TBC1D32: variants seen among roughly 807,000 people sequenced by gnomAD.
TBC1D32 encodes TBC1 domain family member 32.
Under a neutral mutation model 170.3 loss-of-function variants are expected in TBC1D32, and 151 were observed. The ratio of observed to expected loss-of-function variants is 0.89; its 90% CI spans 0.78 to 1.01. The LOEUF is 1.01. TBC1D32 is among the 50% of genes least tolerant of loss of function. The pLI is 0.00. For synonymous variants in TBC1D32, 498 were observed against 488.0 expected (o/e 1.02, Z -0.27); for missense variants, 1,464 against 1,457.1 (o/e 1.00, Z -0.08).
intron 30 of TBC1D32, among the ~76,000 whole-genome samples, chr6:121,095,575 T>A (rs760055305): frequency 4.6e-5 from 7 of 152,288 alleles, no homozygotes; most frequent in South Asian, 2.1e-4. Context: ...GAGTTTGTCA[T>A]AAATAGCTCT....
chr6:121,209,673 G>T (rs1440680313), intron 21 of TBC1D32, among the ~76,000 whole-genome samples: 1 of 152,218 alleles, frequency 6.6e-6, no homozygotes, highest in Non-Finnish European at 1.5e-5. Flanking sequence ...CACACAACTA[G>T]TAAGAGGCAG....
intron 30 of TBC1D32, among the ~76,000 whole-genome samples, chr6:121,101,765 G>A (rs1397599397): frequency 6.6e-6 from 1 of 152,066 alleles, no homozygotes; most frequent in South Asian, 2.1e-4. Context: ...AAGAAATAAA[G>A]GGTATTCAAT....
rs140954897 is a variant in TBC1D32, at chr6:121,102,306, G to T, written c.3465+3717C>A. Among the ~76,000 whole-genome samples the T allele has an allele frequency of 1.1e-3, 171 of 152,170 alleles. 10 individuals carry two copies. The East Asian group carries it at 0.023, about 21-fold the overall frequency. ...GACAATCCTAAGCCAAAAGAACAAAGCTGGAGGCATCATGCTACCTGACTT... is the reference window on the plus strand; with the variant it reads ...GACAATCCTAAGCCAAAAGAACAAATCTGGAGGCATCATGCTACCTGACTT... On this transcript the variant is annotated intron_variant, in intron 30 of 31. Coordinates refer to ENST00000398212, the MANE Select transcript of TBC1D32 (RefSeq NM_152730.6).
intron 24 of TBC1D32, among the ~76,000 whole-genome samples, chr6:121,150,726 T>C (rs777707530): frequency 1.3e-4 from 20 of 152,210 alleles, no homozygotes; most frequent in Non-Finnish European, 2.6e-4. Flanking sequence ...CCTGGTTTAG[T>C]CTTGGGAGGG....
At chr6:121,313,449 G>T (rs1808527820) in intron 3 of TBC1D32, among the ~76,000 whole-genome samples, 1 of 151,652 alleles carries the variant, frequency 6.6e-6, no homozygotes, top group African/African-American at 2.4e-5. Context: ...ATACCTGGCT[G>T]ATTTTTGTAC....
In TBC1D32 at chr6:121,304,517, G is replaced by A. The variant is rs1166399390; in HGVS notation, c.873+5C>T. On this transcript the variant is annotated splice_donor_5th_base_variant and intron_variant, in intron 7 of 31. Coordinates refer to ENST00000398212, the MANE Select transcript of TBC1D32 (RefSeq NM_152730.6). ...AAATGAAAGCATATTGTAGTAAATG[G>A]ATACCTTTTTAAGTAAGCGAGTCAT... The A allele has an allele frequency of 1.2e-6, 2 of 1,604,290 alleles. No homozygotes were observed. The highest frequency in any genetic ancestry group is 8.5e-7 in the Non-Finnish European group (1 of 1,174,028).
At position 121,126,468 on chromosome 6, in the gene TBC1D32, TAAAC is replaced by T; in HGVS notation, c.2900-11_2900-8del. On this transcript the variant is annotated splice_polypyrimidine_tract_variant and splice_region_variant and intron_variant, in intron 25 of 31. Coordinates refer to ENST00000398212, the MANE Select transcript of TBC1D32 (RefSeq NM_152730.6). Reference sequence around the variant, plus strand: ...TCAAGTAATTCTATTAAGGCTGTAATAAACAAAGGAATAATTAGGATATTAAAGG... The same window carrying T: ...TCAAGTAATTCTATTAAGGCTGTAATAAAGGAATAATTAGGATATTAAAGG... The T allele has an allele frequency of 1.3e-6, 2 of 1,594,970 alleles. No homozygotes were observed. Among genetic ancestry groups the T allele is most frequent in the Non-Finnish European group, 1.7e-6 (2 of 1,165,546 alleles).
At chr6:121,102,221 A>T (rs753522937) in intron 30 of TBC1D32, among the ~76,000 whole-genome samples, 6 of 152,216 alleles carry the variant, frequency 3.9e-5, no homozygotes, top group Non-Finnish European at 8.8e-5. Flanking sequence ...CTTTCTTCAC[A>T]GAATTGGATA....
intron 17 of TBC1D32, among the ~76,000 whole-genome samples, chr6:121,247,674 C>G (rs1178833735): frequency 1.1e-4 from 4 of 36,368 alleles, no homozygotes; most frequent in Admixed American, 3.7e-4. Flanking sequence ...ATTCTTATAT[C>G]AGATAAAACA....
At chr6:121,215,177 T>C (rs995607306) in intron 21 of TBC1D32, among the ~76,000 whole-genome samples, 3 of 152,200 alleles carry the variant, frequency 2.0e-5, no homozygotes, top group Admixed American at 6.5e-5. Context: ...GATTGGTCCA[T>C]GGGCAACCAC....
At chr6:121,286,912 A>G (rs1803944344) in intron 12 of TBC1D32, among the ~76,000 whole-genome samples, 1 of 152,216 alleles carries the variant, frequency 6.6e-6, no homozygotes, top group South Asian at 2.1e-4. Context: ...AAGCTTCAAA[A>G]GTGAAGGAGA....
intron 15 of TBC1D32, among the ~76,000 whole-genome samples, chr6:121,271,005 A>G (rs1801330523): frequency 6.6e-6 from 1 of 152,212 alleles, no homozygotes; most frequent in Non-Finnish European, 1.5e-5. Flanking sequence ...AACCAAAGAC[A>G]AAAACCACAT....
At position 121,154,057 on chromosome 6, in the gene TBC1D32, C is replaced by T. The variant is rs532957367; in HGVS notation, c.2773+5953G>A. Among the ~76,000 whole-genome samples, 116 of 136,230 alleles carry T rather than the reference C, an allele frequency of 8.5e-4. 2 individuals are homozygous for T. The highest frequency in any genetic ancestry group is 3.4e-3 in the African/African-American group (110 of 32,360). The allele number at this position is 136,230 out of a possible 152,430, so 89.4% of individuals were successfully genotyped here. On this transcript the variant is annotated intron_variant, in intron 24 of 31. Transcript: ENST00000398212. ...TAGGGTACAAAAAAAAAAAAAAAAC[C>T]TCCTGCACCTAGCTTGGTGTCTGTC...
intron 10 of TBC1D32, among the ~76,000 whole-genome samples, chr6:121,297,162 C>T (rs1805776746): frequency 1.3e-5 from 2 of 151,986 alleles, no homozygotes; most frequent in Admixed American, 1.3e-4. Context: ...ACCACAGTAG[C>T]AGAAAGCAGA....
intron 1 of TBC1D32, among the ~76,000 whole-genome samples, chr6:121,329,882 G>A (rs1254655714): frequency 6.6e-6 from 1 of 151,874 alleles, no homozygotes; most frequent in Non-Finnish European, 1.5e-5. Flanking sequence ...ATAATAGAAA[G>A]AACAAGTATT....
chr6:121,141,213 G>T (rs889720602), intron 24 of TBC1D32, among the ~76,000 whole-genome samples: 2 of 152,060 alleles, frequency 1.3e-5, no homozygotes, highest in Admixed American at 1.3e-4. Flanking sequence ...AGGAAGAGAA[G>T]AAATATATTT....
chr6:121,237,319 T>A (rs1353362541), intron 20 of TBC1D32, among the ~76,000 whole-genome samples: 1 of 151,992 alleles, frequency 6.6e-6, no homozygotes. Flanking sequence ...ATTTTCTCTT[T>A]ATCTTTGGTT....
intron 30 of TBC1D32, 34 bp downstream of exon 30, chr6:121,105,989 G>T: frequency 1.3e-6 from 2 of 1,547,452 alleles, no homozygotes; most frequent in East Asian, 2.3e-5. Context: ...CTGAGATAAA[G>T]GAGTTGGAGA....
chr6:121,311,949 C>T (rs1027930348), intron 3 of TBC1D32, among the ~76,000 whole-genome samples: 8 of 152,146 alleles, frequency 5.3e-5, no homozygotes, highest in African/African-American at 1.9e-4. Flanking sequence ...GACTTGGAAC[C>T]AAACCAAATG....
Sources: allele counts gnomAD v4.1 joint callset (sites outside exome capture counted in the v4.1 genomes callset), GRCh38; gene constraint gnomAD v4.1.1; transcripts MANE v1.5; gene names NCBI Gene and HGNC (gene_info 2026-07-23, HGNC 2026-07-21).